ZBTB1: variants seen among roughly 807,000 people sequenced by gnomAD.
ZBTB1 encodes zinc finger and BTB domain containing 1.
Under a neutral mutation model 51.6 loss-of-function variants are expected in ZBTB1, and 13 were observed. That is an observed-to-expected ratio of 0.25 (90% CI 0.16 to 0.40). ZBTB1 has a LOEUF of 0.40. Ranked by LOEUF, ZBTB1 falls within the 10% of genes least tolerant of loss-of-function variation. ZBTB1 has a pLI of 1.00. For synonymous variants in ZBTB1, 240 were observed against 282.2 expected (o/e 0.85, Z 1.50); for missense variants, 567 against 856.5 (o/e 0.66, Z 4.22).
chr14:64,516,969 A>G (rs1044377284), intron 1 of ZBTB1, among the ~76,000 whole-genome samples: 1 of 152,224 alleles, frequency 6.6e-6, no homozygotes, highest in African/African-American at 2.4e-5. Flanking sequence ...TAGATAAGAA[A>G]GGGTCTTTGG....
At chr14:64,518,904 G>GTGTATATATATATATATATATATA (rs71444662) in intron 1 of ZBTB1, among the ~76,000 whole-genome samples, 7 of 95,120 alleles carry the variant, frequency 7.4e-5, no homozygotes, top group Admixed American at 6.1e-4. Context: ...TTGCAGAGAG[G>GTGTATATATATATATATATATATA]TATATATATA....
chr14:64,509,227 G>T (rs1288005736), intron 1 of ZBTB1, among the ~76,000 whole-genome samples: 2 of 152,174 alleles, frequency 1.3e-5, no homozygotes, highest in East Asian at 3.9e-4. Context: ...AAAGTTAGCT[G>T]GGCGTGGTGC....
intron 1 of ZBTB1, 103 bp from the exon 2 acceptor site, chr14:64,521,384 T>G: frequency 1.4e-6 from 1 of 735,388 alleles, no homozygotes; most frequent in Non-Finnish European, 1.9e-6. Context: ...CTTAATTTCT[T>G]GATTGTAATA....
chr14:64,516,044 G>C (rs187985022), intron 1 of ZBTB1, among the ~76,000 whole-genome samples: 367 of 152,202 alleles, frequency 2.4e-3, no homozygotes, highest in African/African-American at 8.5e-3. Flanking sequence ...ACCAGCCTGG[G>C]CAACATAGCA....
chr14:64,524,781 A>C lies in ZBTB1; in HGVS notation c.*1135A>C, dbSNP rs1163164505. On this transcript the variant is annotated 3_prime_UTR_variant, in exon 2 of 2. Coordinates refer to ENST00000683701, the MANE Select transcript of ZBTB1 (RefSeq NM_001123329.2). ...CATTTTTTTCTGTAAAAGACTATAA[A>C]ACTTGAGGATTATAAAATAATCACA... is the stretch of plus-strand genomic sequence containing the variant. 19 of 981,506 alleles carry C rather than the reference A, an allele frequency of 1.9e-5. No homozygotes were observed. The highest frequency in any genetic ancestry group is 2.3e-5 in the Non-Finnish European group (19 of 826,490). 60.8% of individuals were successfully genotyped at this position (981,506 alleles called of 1,614,324 possible).
chr14:64,509,661 C>A (rs2079702693), intron 1 of ZBTB1, among the ~76,000 whole-genome samples: 1 of 152,176 alleles, frequency 6.6e-6, no homozygotes, highest in South Asian at 2.1e-4. Flanking sequence ...GGAAACAATA[C>A]AATTTTTTTT....
chr14:64,531,591 A>T (rs2079942445), intron 2 of ZBTB1, among the ~76,000 whole-genome samples: 1 of 151,934 alleles, frequency 6.6e-6, no homozygotes, highest in Admixed American at 6.6e-5. Flanking sequence ...TATTTGTCTG[A>T]CCCCTATCTT....
At chr14:64,507,655 T>C (rs990663048) in intron 1 of ZBTB1, among the ~76,000 whole-genome samples, 3 of 152,188 alleles carry the variant, frequency 2.0e-5, no homozygotes, top group Non-Finnish European at 4.4e-5. Flanking sequence ...GTGTTTTGCA[T>C]TGGGCTGATT....
At chr14:64,511,473 C>T (rs886203121) in intron 1 of ZBTB1, 1 of 152,192 alleles carries the variant, frequency 6.6e-6, no homozygotes, top group African/African-American at 2.4e-5. Context: ...CTCAGCTATC[C>T]AGTGCCTTGG....
chr14:64,519,306 G>A (rs898354101), intron 1 of ZBTB1, among the ~76,000 whole-genome samples: 4 of 151,338 alleles, frequency 2.6e-5, no homozygotes, highest in Non-Finnish European at 4.4e-5. Flanking sequence ...CCGCTATCAC[G>A]ACTGGCTAAC....
chr14:64,525,685 G>T (rs2079898564), downstream of ZBTB1, among the ~76,000 whole-genome samples: 5 of 152,044 alleles, frequency 3.3e-5, no homozygotes, highest in South Asian at 1.0e-3. Context: ...ATTAGGAAGG[G>T]GGCTTAATTT....
chr14:64,515,464 A>T (rs2079770760), intron 1 of ZBTB1, among the ~76,000 whole-genome samples: 1 of 152,196 alleles, frequency 6.6e-6, no homozygotes, highest in South Asian at 2.1e-4. Context: ...AAAAAAGAGC[A>T]AACTCCTCTT....
chr14:64,516,786 G>T (rs1309410778), intron 1 of ZBTB1: 1 of 152,184 alleles, frequency 6.6e-6, no homozygotes, highest in East Asian at 1.9e-4. Flanking sequence ...GAATAAATGT[G>T]CATTAAAATG....
intron 2 of ZBTB1, among the ~76,000 whole-genome samples, chr14:64,530,095 C>T (rs1325870961): frequency 1.3e-5 from 2 of 152,206 alleles, no homozygotes; most frequent in East Asian, 3.8e-4. Flanking sequence ...CAATCTCCCT[C>T]AATCTAATAT....
rs1358807736 is a variant in ZBTB1 at position 64,522,167 on chromosome 14, T to C, written c.663T>C (p.Cys221=). The change falls in exon 2 of 2, where the codon TGT becomes TGC. Residue 221 remains cysteine, a synonymous_variant. Transcript: ENST00000683701. ...GGCGGAGTTTTACCTGTGATAGCTG[T>C]GGATTTGGCTTTAGCTGTGAAAAAT... is the stretch of plus-strand genomic sequence containing the variant. ...RFGRSFTCDS[C]GFGFSCEKLL... The C allele has an allele frequency of 6.2e-7, 1 of 1,614,248 alleles. No homozygotes were observed. Among genetic ancestry groups the C allele is most frequent in the Non-Finnish European group, 8.5e-7 (1 of 1,180,042 alleles).
At chr14:64,511,507 TATG>T (rs1225115527) in intron 1 of ZBTB1, 1 of 152,136 alleles carries the variant, frequency 6.6e-6, no homozygotes, top group Non-Finnish European at 1.5e-5. Context: ...AGGAAGGAAA[TATG>T]ATCGCCTGTC....
chr14:64,517,756 A>AATATATATATAT (rs71444661), intron 1 of ZBTB1, among the ~76,000 whole-genome samples: 56 of 60,658 alleles, frequency 9.2e-4, no homozygotes, highest in East Asian at 5.2e-3. Context: ...GCCATTTAGA[A>AATATATATATAT]ATATATATAT....
chr14:64,524,310 A>G lies in ZBTB1; in HGVS notation c.*664A>G. On this transcript the variant is annotated 3_prime_UTR_variant, in exon 2 of 2. Coordinates refer to ENST00000683701, the MANE Select transcript of ZBTB1 (RefSeq NM_001123329.2). The stretch of plus-strand genomic sequence containing the variant: ...TTATCATTTAATTATCACATTTAAA[A>G]CTTATATTAAGTGTAAATTCCAGTG... 4.2e-6 allele frequency: 4 copies of G among 946,386 alleles called. No homozygotes were observed. Among genetic ancestry groups the G allele is most frequent in the Non-Finnish European group, 5.0e-6 (4 of 794,524 alleles). The allele number at this position is 946,386 out of a possible 1,614,324, so 58.6% of individuals were successfully genotyped here.
At position 64,522,498 on chromosome 14, in the gene ZBTB1, G is replaced by A; in HGVS notation, c.994G>A (p.Glu332Lys). ...RKRIIIKMEP[E>K]DIPTDELKDF... The stretch of plus-strand genomic sequence containing the variant: ...AAGGATTATTATTAAGATGGAGCCA[G>A]AAGATATTCCTACAGATGAACTGAA... Residue 332 changes from glutamate (E) to lysine (K), a missense_variant, in exon 2 of 2, where the codon GAA becomes AAA. Glu to Lys is a moderately conservative substitution (Grantham distance 56). This residue lies in a region of ZBTB1 where 329 missense variants were observed against 406.3 expected (regional missense o/e 0.81). Coordinates refer to ENST00000683701, the MANE Select transcript of ZBTB1 (RefSeq NM_001123329.2). 6.2e-7 allele frequency: 1 copy of A among 1,614,154 alleles called. No individual in the cohort carries two copies. The highest frequency in any genetic ancestry group is 8.5e-7 in the Non-Finnish European group (1 of 1,180,026).
Sources: allele counts gnomAD v4.1 joint callset (sites outside exome capture counted in the v4.1 genomes callset), GRCh38; gene constraint gnomAD v4.1.1; regional missense constraint gnomAD v4.1.1; transcripts MANE v1.5; gene names NCBI Gene and HGNC (gene_info 2026-07-23, HGNC 2026-07-21).